Variants in SH2D1A observed in about 807,000 individuals in gnomAD.
SH2D1A encodes the protein SH2 domain containing 1A.
A neutral mutation model predicts 10.1 loss-of-function variants in SH2D1A; 6 were observed. That is an observed-to-expected ratio of 0.60 (90% CI 0.33 to 1.18). The LOEUF (loss-of-function observed/expected upper bound fraction) is 1.18, where lower values mean the gene tolerates loss of function less well. Ranked by LOEUF, SH2D1A falls within the 50% of genes most tolerant of loss-of-function variation. SH2D1A has a pLI of 0.04. For synonymous variants in SH2D1A, 42 were observed against 36.9 expected, an observed-to-expected ratio of 1.14 and a Z score of -0.51; for missense variants, 51 against 97.6, an observed-to-expected ratio of 0.52 and a Z score of 2.01.
chrX:124,363,916 A>AAAAAAG (rs1569527532), intron 1 of SH2D1A, among the ~76,000 whole-genome samples: 1 of 85,084 alleles, frequency 1.2e-5, no homozygotes, highest in Non-Finnish European at 2.2e-5. Flanking sequence ...AAAAAAAAAA[A>AAAAAAG]GAAAGAAAAA....
At chrX:124,366,872 G>A (rs1783562415) in intron 2 of SH2D1A, among the ~76,000 whole-genome samples, 1 of 64,551 alleles carries the variant, frequency 1.5e-5, no homozygotes, top group Non-Finnish European at 2.9e-5. Flanking sequence ...AAAATATACT[G>A]ACAAACACAC....
chrX:124,350,136 C>G (rs1345019309), intron 1 of SH2D1A, among the ~76,000 whole-genome samples: 1 of 73,343 alleles, frequency 1.4e-5, no homozygotes, highest in Admixed American at 2.2e-4. Flanking sequence ...AAAGTAAGGG[C>G]AAACACCAAA....
At chrX:124,355,222 T>C (rs1457777938) in intron 1 of SH2D1A, among the ~76,000 whole-genome samples, 2 of 112,070 alleles carry the variant, frequency 1.8e-5, no homozygotes, top group Non-Finnish European at 3.8e-5. Flanking sequence ...GATGTGGATT[T>C]GTCAGTTCTA....
chrX:124,364,065 A>C, intron 1 of SH2D1A, among the ~76,000 whole-genome samples: 1 of 110,357 alleles, frequency 9.1e-6, no homozygotes, highest in Non-Finnish European at 1.9e-5. Context: ...ACTCCTACTT[A>C]TATAAAAAAA....
At chrX:124,350,423 A>AT (rs1309001924) in intron 1 of SH2D1A, among the ~76,000 whole-genome samples, 1 of 31,758 alleles carries the variant, frequency 3.1e-5, no homozygotes, top group Non-Finnish European at 4.9e-5. Flanking sequence ...ATAAATATAT[A>AT]TTATATACTA....
intron 1 of SH2D1A, among the ~76,000 whole-genome samples, chrX:124,360,301 A>G (rs1159376514): frequency 9.2e-6 from 1 of 108,341 alleles, no homozygotes; most frequent in Non-Finnish European, 1.9e-5. Context: ...GATTTTAACC[A>G]GAGTTCAGTG....
chrX:124,370,108 A>C, intron 2 of SH2D1A, 68 bp from the exon 3 acceptor site: 1 of 768,716 alleles, frequency 1.3e-6, no homozygotes, highest in Non-Finnish European at 2.0e-6. Flanking sequence ...CATCCCTAGC[A>C]CATTTTGTAG....
chrX:124,366,726 T>C (rs960660005), intron 2 of SH2D1A, among the ~76,000 whole-genome samples: 6 of 111,389 alleles, frequency 5.4e-5, no homozygotes, highest in Non-Finnish European at 1.1e-4. Context: ...TCATTAAAAC[T>C]ATAATACTAA....
chrX:124,350,369 T>C (rs1169577877), intron 1 of SH2D1A, among the ~76,000 whole-genome samples: 4 of 27,052 alleles, frequency 1.5e-4, no homozygotes, highest in East Asian at 2.2e-3. Context: ...TAATATTATA[T>C]AATATATAAT....
Position 124,362,144 on chromosome X carries a change from G to A in SH2D1A, c.138-3617G>A, listed in dbSNP as rs935721095. On this transcript the variant is annotated intron_variant, in intron 1 of 3. Transcript: ENST00000371139. The stretch of plus-strand genomic sequence containing the variant: ...TTATCTTTCAAGAAAAGGGAAGAAC[G>A]ACCCTGAGGGTGATTCAGAGATAAC... 2.7e-5 allele frequency among the ~76,000 whole-genome samples: 3 copies of A among 112,051 alleles called. No individual in the cohort carries two copies. In the East Asian group the frequency reaches 8.4e-4, roughly 31 times the overall value.
At chrX:124,371,215 A>G in intron 3 of SH2D1A, 136 bp from the exon 4 acceptor site, 3 of 426,230 alleles carry the variant, frequency 7.0e-6, no homozygotes, top group Non-Finnish European at 8.2e-6. Context: ...GTTTTAAATA[A>G]TAGTTGCTTG....
Position 124,355,744 on chromosome X carries a change from T to A in SH2D1A, c.137+8965T>A, listed in dbSNP as rs902735910. The stretch of plus-strand genomic sequence containing the variant: ...AAAATTAGTCACTTAAATAACTACA[T>A]GAAAAAATAACATGCAAGAATGCAT... On this transcript the variant is annotated intron_variant, in intron 1 of 3. Coordinates refer to ENST00000371139, the MANE Select transcript of SH2D1A (RefSeq NM_002351.5). Among the ~76,000 whole-genome samples, 27 of 111,938 alleles carry A rather than the reference T, an allele frequency of 2.4e-4. No homozygotes were observed. The Admixed American group carries it at 2.6e-3, about 11-fold the overall frequency.
chrX:124,369,268 G>T (rs1363016226), intron 2 of SH2D1A, among the ~76,000 whole-genome samples: 1 of 111,127 alleles, frequency 9.0e-6, no homozygotes, highest in Non-Finnish European at 1.9e-5. Context: ...TTGTTCAATT[G>T]CTCATAGCAA....
At chrX:124,349,351 T>G (rs1203110112) in intron 1 of SH2D1A, among the ~76,000 whole-genome samples, 1 of 111,923 alleles carries the variant, frequency 8.9e-6, no homozygotes, top group Non-Finnish European at 1.9e-5. Context: ...TGTAAAAATT[T>G]CATTCCCTCT....
intron 1 of SH2D1A, among the ~76,000 whole-genome samples, chrX:124,361,858 G>A (rs1210217636): frequency 1.8e-5 from 2 of 111,864 alleles, no homozygotes; most frequent in African/African-American, 6.5e-5. Flanking sequence ...AGAAGGAATT[G>A]TTAAGCAAAA....
chrX:124,358,179 G>A (rs955129589), intron 1 of SH2D1A, among the ~76,000 whole-genome samples: 1 of 110,609 alleles, frequency 9.0e-6, no homozygotes, highest in African/African-American at 3.3e-5. Flanking sequence ...GTGCTTTTGG[G>A]GTTATACCCA....
intron 1 of SH2D1A, among the ~76,000 whole-genome samples, chrX:124,352,816 A>T (rs1212932799): frequency 9.0e-6 from 1 of 111,332 alleles, no homozygotes; most frequent in African/African-American, 3.3e-5. Flanking sequence ...ATGGAGATAG[A>T]GAGTAAAATG....
Position 124,371,851 on chromosome X carries a change from G to T in SH2D1A, c.*460G>T, listed in dbSNP as rs1296719745. On this transcript the variant is annotated 3_prime_UTR_variant, in exon 4 of 4. Transcript: ENST00000371139. ...TTCTCCACTAGCTATGGTGTCATAG[G>T]CTCTTTTGGGATTTTTGAAGCTGTA... The T allele has an allele frequency of 6.3e-6, 1 of 159,078 alleles. No homozygotes were observed. Among genetic ancestry groups the T allele is most frequent in the Non-Finnish European group, 1.2e-5 (1 of 82,619 alleles). 13.1% of individuals were successfully genotyped at this position (159,078 alleles called of 1,213,427 possible).
intron 2 of SH2D1A, among the ~76,000 whole-genome samples, chrX:124,366,714 G>A (rs1264159224): frequency 9.0e-6 from 1 of 110,669 alleles, no homozygotes; most frequent in East Asian, 2.8e-4. Context: ...ATTATGTAAG[G>A]ATCATTAAAA....
Sources: gnomAD v4.1 joint callset for allele counts (sites outside exome capture counted in the v4.1 genomes callset) on GRCh38, gnomAD v4.1.1 for gene constraint, MANE v1.5 for transcripts, NCBI Gene and HGNC (gene_info 2026-07-23, HGNC 2026-07-21) for gene names.